Variants in PDZRN4 observed in about 807,000 individuals in gnomAD.
PDZRN4 encodes the protein PDZ domain-containing RING finger protein 4.
Under a neutral mutation model 99.0 loss-of-function variants are expected in PDZRN4, and 70 were observed. The ratio of observed to expected loss-of-function variants is 0.71; its 90% CI spans 0.58 to 0.86. The LOEUF (loss-of-function observed/expected upper bound fraction) is 0.86. Ranked by LOEUF, PDZRN4 falls within the 40% of genes least tolerant of loss-of-function variation. The pLI is 0.00. For missense variants in PDZRN4, 1,474 were observed against 1,331.2 expected (o/e 1.11, Z -1.67); for synonymous variants, 551 against 501.6 (o/e 1.10, Z -1.32).
At chr12:41,395,169 G>A (rs963479929) in intron 3 of PDZRN4, among the ~76,000 whole-genome samples, 5 of 152,152 alleles carry the variant, frequency 3.3e-5, no homozygotes, top group African/African-American at 1.2e-4. Flanking sequence ...AGGTGTGGAT[G>A]AGTCTCTTCT....
chr12:41,393,312 C>A (rs993199402), intron 3 of PDZRN4, among the ~76,000 whole-genome samples: 1 of 152,156 alleles, frequency 6.6e-6, no homozygotes, highest in African/African-American at 2.4e-5. Context: ...AATGCACGAA[C>A]ATATTAGATT....
At chr12:41,360,593 G>A (rs896110045) in intron 3 of PDZRN4, among the ~76,000 whole-genome samples, 5 of 151,956 alleles carry the variant, frequency 3.3e-5, no homozygotes, top group African/African-American at 9.7e-5. Context: ...AATTATCATA[G>A]AACACTGCAT....
intron 3 of PDZRN4, among the ~76,000 whole-genome samples, chr12:41,344,155 G>A (rs967161235): frequency 1.3e-5 from 2 of 152,064 alleles, no homozygotes; most frequent in Non-Finnish European, 2.9e-5. Context: ...TGTTGCAGTA[G>A]AATAGCAGAC....
intron 3 of PDZRN4, among the ~76,000 whole-genome samples, chr12:41,343,944 T>G (rs1405245453): frequency 6.6e-6 from 1 of 152,100 alleles, no homozygotes; most frequent in South Asian, 2.1e-4. Flanking sequence ...GGCAGTCTTA[T>G]GGTATATTAA....
intron 5 of PDZRN4, among the ~76,000 whole-genome samples, chr12:41,520,237 A>G (rs1938470831): frequency 6.6e-6 from 1 of 152,142 alleles, no homozygotes; most frequent in Admixed American, 6.5e-5. Flanking sequence ...TTCTTCTTTA[A>G]AAATGCTTAG....
At chr12:41,440,332 G>A (rs1028521657) in intron 3 of PDZRN4, among the ~76,000 whole-genome samples, 5 of 152,064 alleles carry the variant, frequency 3.3e-5, no homozygotes, top group African/African-American at 7.2e-5. Context: ...CAGCGATCAC[G>A]AAACATATGA....
intron 5 of PDZRN4, among the ~76,000 whole-genome samples, chr12:41,549,869 C>A (rs1458334957): frequency 6.6e-6 from 1 of 152,036 alleles, no homozygotes; most frequent in African/African-American, 2.4e-5. Context: ...CTCCAAGGAG[C>A]TGAAAGGAAA....
chr12:41,287,570 G>A (rs1477732194), intron 3 of PDZRN4, among the ~76,000 whole-genome samples: 1 of 152,222 alleles, frequency 6.6e-6, no homozygotes, highest in Non-Finnish European at 1.5e-5. Flanking sequence ...ACTGCAAACT[G>A]CAGAGGAAGT....
intron 3 of PDZRN4, among the ~76,000 whole-genome samples, chr12:41,399,149 C>T (rs979792811): frequency 3.3e-5 from 5 of 151,988 alleles, no homozygotes; most frequent in Admixed American, 6.6e-5. Flanking sequence ...AAAACACTAA[C>T]TTGATTCATT....
intron 3 of PDZRN4, among the ~76,000 whole-genome samples, chr12:41,486,144 A>T (rs999246681): frequency 4.6e-5 from 7 of 152,194 alleles, no homozygotes; most frequent in African/African-American, 1.7e-4. Flanking sequence ...GTTTTTGTGT[A>T]CAGGCTGGAT....
At chr12:41,560,376 T>G (rs1051054559) in intron 7 of PDZRN4, among the ~76,000 whole-genome samples, 3 of 152,024 alleles carry the variant, frequency 2.0e-5, no homozygotes, top group Middle Eastern at 3.2e-3. Context: ...CAAAACACAC[T>G]CATACACACA....
chr12:41,460,711 A>G (rs1952864432), intron 3 of PDZRN4, among the ~76,000 whole-genome samples: 1 of 152,236 alleles, frequency 6.6e-6, no homozygotes, highest in African/African-American at 2.4e-5. Context: ...AGATGTAAAT[A>G]TAGGAGGAGG....
At chr12:41,517,766 C>G (rs879408988) in intron 5 of PDZRN4, among the ~76,000 whole-genome samples, 1 of 152,042 alleles carries the variant, frequency 6.6e-6, no homozygotes, top group South Asian at 2.1e-4. Flanking sequence ...AGTATTCTAA[C>G]AGTTTAAACA....
At chr12:41,466,751 G>GGT (rs62948765) in intron 3 of PDZRN4, among the ~76,000 whole-genome samples, 4 of 122,172 alleles carry the variant, frequency 3.3e-5, no homozygotes, top group Non-Finnish European at 6.7e-5. Flanking sequence ...TATTTCCAGT[G>GGT]TTTTTTTTTT....
At chr12:41,437,997 T>C in intron 3 of PDZRN4, 1 of 1,614,094 alleles carries the variant, frequency 6.2e-7, no homozygotes, top group Non-Finnish European at 8.5e-7. Context: ...TACAAACTGC[T>C]GTATGAAGTT....
At chr12:41,315,411 T>C (rs1951632022) in intron 3 of PDZRN4, among the ~76,000 whole-genome samples, 1 of 152,156 alleles carries the variant, frequency 6.6e-6, no homozygotes, top group South Asian at 2.1e-4. Context: ...ATTTGACCTT[T>C]GAATTAAATG....
chr12:41,371,755 A>G (rs1952043838), intron 3 of PDZRN4, among the ~76,000 whole-genome samples: 1 of 152,178 alleles, frequency 6.6e-6, no homozygotes, highest in Non-Finnish European at 1.5e-5. Context: ...GCTATCCAGC[A>G]TTTTAATGTA....
intron 3 of PDZRN4, among the ~76,000 whole-genome samples, chr12:41,198,573 G>C (rs2120656267): frequency 7.1e-6 from 1 of 141,312 alleles, no homozygotes; most frequent in East Asian, 2.2e-4. Context: ...TTTAGAAATA[G>C]TTCCCACATT....
intron 5 of PDZRN4, among the ~76,000 whole-genome samples, chr12:41,537,163 A>C (rs1017651524): frequency 6.6e-6 from 1 of 152,114 alleles, no homozygotes; most frequent in African/African-American, 2.4e-5. Context: ...AAAACACTAT[A>C]AGCTCAAGTA....
Sources: gnomAD v4.1 joint callset for allele counts (sites outside exome capture counted in the v4.1 genomes callset) on GRCh38, gnomAD v4.1.1 for gene constraint, MANE v1.5 for transcripts, NCBI Gene and HGNC (gene_info 2026-07-23, HGNC 2026-07-21) for gene names.